The following PTTG1IP2 variants were observed in gnomAD, a reference collection of about 807,000 sequenced individuals.
The protein encoded by PTTG1IP2 is PTTG1IP family member 2.
At chr7:90,504,452 C>A (rs1370128514) in intron 6 of PTTG1IP2, among the ~76,000 whole-genome samples, 1 of 152,098 alleles carries the variant, frequency 6.6e-6, no homozygotes, top group Non-Finnish European at 1.5e-5. Context: ...TATAAAGGTC[C>A]AGGTAGTAAA....
At position 90,477,149 on chromosome 7, in the gene PTTG1IP2, G is replaced by A. The variant is rs573328795; in HGVS notation, c.146-2079G>A. 4.6e-5 allele frequency among the ~76,000 whole-genome samples: 7 copies of A among 152,214 alleles called. No homozygotes were observed. The East Asian group carries it at 1.4e-3, about 29-fold the overall frequency. ...CTAGGAGAAATGATACAGAAGTCAC[G>A]AAAAATGTAATCAAGAGCAAAGAAG... On this transcript the variant is annotated intron_variant, in intron 1 of 6. Transcript: ENST00000509356.
intron 2 of PTTG1IP2, among the ~76,000 whole-genome samples, chr7:90,485,366 G>A (rs984751063): frequency 1.3e-5 from 2 of 152,124 alleles, no homozygotes; most frequent in Non-Finnish European, 2.9e-5. Context: ...ACTGCCCCCA[G>A]CTCTAAGTCT....
intron 6 of PTTG1IP2, among the ~76,000 whole-genome samples, chr7:90,501,595 A>C (rs1798062114): frequency 6.6e-6 from 1 of 152,180 alleles, no homozygotes; most frequent in Non-Finnish European, 1.5e-5. Flanking sequence ...ACTTGAGCCC[A>C]GGAGTTTGAG....
chr7:90,491,538 G>A lies in PTTG1IP2; in HGVS notation c.381-701G>A, dbSNP rs560281501. 4.6e-4 allele frequency among the ~76,000 whole-genome samples: 70 copies of A among 151,770 alleles called. 1 individual carries two copies. The highest frequency in any genetic ancestry group is 7.1e-4 in the Non-Finnish European group (48 of 67,950). On this transcript the variant is annotated intron_variant, in intron 4 of 6. Transcript: ENST00000509356. ...CTCAGGAGGCCAAGGCAGGAGAATC[G>A]CTTGAATTTTGGAGGCAGAGGTTGC...
chr7:90,496,302 T>C (rs1254634188), intron 6 of PTTG1IP2, among the ~76,000 whole-genome samples: 1 of 152,222 alleles, frequency 6.6e-6, no homozygotes, highest in Non-Finnish European at 1.5e-5. Flanking sequence ...AGACCATTTA[T>C]TACTGATTCA....
At chr7:90,491,402 C>G (rs1311507326) in intron 4 of PTTG1IP2, among the ~76,000 whole-genome samples, 2 of 152,146 alleles carry the variant, frequency 1.3e-5, no homozygotes, top group Non-Finnish European at 2.9e-5. Flanking sequence ...GTGGGTGGAT[C>G]ACCTGAGGTC....
intron 6 of PTTG1IP2, among the ~76,000 whole-genome samples, chr7:90,512,249 T>C (rs1203239722): frequency 6.6e-6 from 1 of 152,144 alleles, no homozygotes; most frequent in Non-Finnish European, 1.5e-5. Context: ...GAGCTTATAT[T>C]CCTAGGTGGA....
intron 3 of PTTG1IP2, among the ~76,000 whole-genome samples, chr7:90,487,811 A>G (rs967921396): frequency 6.6e-6 from 1 of 152,204 alleles, no homozygotes; most frequent in Non-Finnish European, 1.5e-5. Flanking sequence ...TATGATATCC[A>G]TAACCCACTT....
At chr7:90,481,230 A>C (rs1270516161) in intron 2 of PTTG1IP2, among the ~76,000 whole-genome samples, 1 of 152,138 alleles carries the variant, frequency 6.6e-6, no homozygotes, top group Non-Finnish European at 1.5e-5. Flanking sequence ...TAGTAGGTGT[A>C]CATATTTATG....
In PTTG1IP2 at chr7:90,488,984, A is replaced by G. The variant is rs1249784957; in HGVS notation, c.380+20A>G. The G allele has an allele frequency of 6.6e-6, 1 of 151,850 alleles. No homozygotes were observed. Among genetic ancestry groups the G allele is most frequent in the Non-Finnish European group, 1.5e-5 (1 of 67,816 alleles). The allele number at this position is 151,850 out of a possible 1,614,324, so 9.4% of individuals were successfully genotyped here. A position where few individuals can be genotyped will look rare whatever the true frequency, so the allele number is the denominator to read the frequency against. ...GCAGGAGTATGCTCATTTTATCCTT[A>G]TTAAGAATGCACTTTGGGGTAATAT... is the stretch of plus-strand genomic sequence containing the variant. On this transcript the variant is annotated intron_variant, in intron 4 of 6. Transcript: ENST00000509356.
At chr7:90,509,058 C>T (rs553820840) in intron 6 of PTTG1IP2, among the ~76,000 whole-genome samples, 1 of 149,804 alleles carries the variant, frequency 6.7e-6, no homozygotes, top group African/African-American at 2.5e-5. Flanking sequence ...GGGATATGAA[C>T]TTTATTTTAA....
At chr7:90,490,444 A>G (rs1797925723) in intron 4 of PTTG1IP2, among the ~76,000 whole-genome samples, 1 of 151,958 alleles carries the variant, frequency 6.6e-6, no homozygotes, top group Non-Finnish European at 1.5e-5. Flanking sequence ...GAAAAAAAAA[A>G]AAAAAAAGAT....
intron 4 of PTTG1IP2, among the ~76,000 whole-genome samples, chr7:90,491,579 C>T (rs1241214743): frequency 2.5e-4 from 38 of 150,006 alleles, no homozygotes; most frequent in Admixed American, 2.5e-3. Context: ...GCTGAGATCA[C>T]ACCACTGCAC....
intron 2 of PTTG1IP2, among the ~76,000 whole-genome samples, chr7:90,481,775 C>T (rs1797817954): frequency 6.6e-6 from 1 of 152,064 alleles, no homozygotes; most frequent in African/African-American, 2.4e-5. Flanking sequence ...TTGTTCTCAG[C>T]TCCTTAAGGA....
chr7:90,494,759 G>T (rs1266408000), intron 6 of PTTG1IP2, among the ~76,000 whole-genome samples: 2 of 152,266 alleles, frequency 1.3e-5, no homozygotes, highest in East Asian at 3.9e-4. Context: ...CCTCACACCT[G>T]CAGTCCTAAC....
intron 5 of PTTG1IP2, among the ~76,000 whole-genome samples, chr7:90,493,834 A>G: frequency 6.6e-6 from 1 of 152,260 alleles, no homozygotes; most frequent in East Asian, 1.9e-4. Flanking sequence ...CTCTGGACTT[A>G]CACATTGGAA....
At chr7:90,484,162 A>G (rs1361393492) in intron 2 of PTTG1IP2, among the ~76,000 whole-genome samples, 1 of 151,112 alleles carries the variant, frequency 6.6e-6, no homozygotes, top group African/African-American at 2.4e-5. Context: ...TTTAGAAATC[A>G]TTGGCTTTTT....
chr7:90,488,773 G>C (rs1255302260), intron 3 of PTTG1IP2, 98 bp from the exon 4 acceptor site: 1 of 151,902 alleles, frequency 6.6e-6, no homozygotes, highest in Admixed American at 6.6e-5. Context: ...ATAATCATTT[G>C]TTAAAGAATC....
rs555330904 is a variant in PTTG1IP2 at position 90,507,724 on chromosome 7, C to T, written c.*51-5554C>T. Among the ~76,000 whole-genome samples, 8 of 152,180 alleles carry T rather than the reference C, an allele frequency of 5.3e-5. No homozygotes were observed. The East Asian group carries it at 1.5e-3, about 29-fold the overall frequency. On this transcript the variant is annotated intron_variant, in intron 6 of 6. Coordinates refer to ENST00000509356, the MANE Select transcript of PTTG1IP2 (RefSeq NM_001365443.2). ...TTAAGTATTCCTGTATAAAAGGAAA[C>T]AATGCTACAAAAGCTGTGTGAGATG...
Sources: gnomAD v4.1 joint callset for allele counts (sites outside exome capture counted in the v4.1 genomes callset) on GRCh38, gnomAD v4.1.1 for gene constraint, MANE v1.5 for transcripts, NCBI Gene and HGNC (gene_info 2026-07-23, HGNC 2026-07-21) for gene names.